The following RASGRF2 variants were observed in gnomAD, a reference collection of about 807,000 sequenced individuals.
RASGRF2 encodes Ras protein specific guanine nucleotide releasing factor 2, also known as ras-specific guanine nucleotide-releasing factor 2.
RASGRF2 carries 76 observed loss-of-function variants against 151.0 expected under a neutral mutation model. The ratio of observed to expected loss-of-function variants is 0.50; its 90% CI spans 0.42 to 0.61. The LOEUF (loss-of-function observed/expected upper bound fraction) is 0.61. Ranked by LOEUF, RASGRF2 falls within the 20% of genes least tolerant of loss-of-function variation. The pLI, the probability that RASGRF2 is intolerant of heterozygous loss-of-function variation, is 0.00. For synonymous variants in RASGRF2, 504 were observed against 566.5 expected (o/e 0.89, Z 1.57); for missense variants, 1,148 against 1,564.6 (o/e 0.73, Z 4.49).
intron 1 of RASGRF2, among the ~76,000 whole-genome samples, chr5:81,026,231 A>G (rs1167410181): frequency 6.8e-5 from 8 of 117,072 alleles, no homozygotes; most frequent in African/African-American, 2.6e-4. Context: ...CTTTTTTTCT[A>G]TTCTTCCTTT....
chr5:81,084,376 AG>A (rs1752168832), intron 7 of RASGRF2, among the ~76,000 whole-genome samples: 1 of 152,248 alleles, frequency 6.6e-6, no homozygotes, highest in Non-Finnish European at 1.5e-5. Context: ...CACTTATCCC[AG>A]GAGACTTCAT....
In RASGRF2 at chr5:80,996,505, C is replaced by CTTCTTCTTCTTCTTCT. The variant is rs56082157; in HGVS notation, c.288+35480_288+35481insTCTTCTTCTTCTTCTT. Among the ~76,000 whole-genome samples the CTTCTTCTTCTTCTTCT allele has an allele frequency of 9.9e-3, 474 of 47,766 alleles. 103 individuals carry two copies. The highest frequency in any genetic ancestry group is 0.01 in the Non-Finnish European group (273 of 26,634). 31.3% of individuals were successfully genotyped at this position (47,766 alleles called of 152,430 possible). A position where few individuals can be genotyped will look rare whatever the true frequency, so the allele number is the denominator to read the frequency against. ...CTTCTTCTTCTTCTTCTTCTTCTTCCTCCTCCTCCTCCTCCCCCTCCTCCT... is the reference window on the plus strand; with the variant it reads ...CTTCTTCTTCTTCTTCTTCTTCTTCCTTCTTCTTCTTCTTCTTCCTCCTCCTCCTCCCCCTCCTCCT... On this transcript the variant is annotated intron_variant, in intron 1 of 26. Transcript: ENST00000265080.
chr5:81,030,423 G>A (rs1750199650), intron 1 of RASGRF2, among the ~76,000 whole-genome samples: 1 of 152,162 alleles, frequency 6.6e-6, no homozygotes, highest in South Asian at 2.1e-4. Context: ...ACCCACAAAG[G>A]GAAGCCCATC....
chr5:81,056,668 A>G (rs541530858), intron 2 of RASGRF2, among the ~76,000 whole-genome samples: 1 of 152,204 alleles, frequency 6.6e-6, no homozygotes, highest in East Asian at 1.9e-4. Flanking sequence ...GCTGAGTTCA[A>G]TTCCTGGATA....
intron 1 of RASGRF2, among the ~76,000 whole-genome samples, chr5:80,981,515 G>A (rs1003910545): frequency 6.6e-6 from 1 of 151,348 alleles, no homozygotes; most frequent in South Asian, 2.1e-4. Flanking sequence ...GTGTGAGTAC[G>A]TGTGTGTGTG....
intron 1 of RASGRF2, among the ~76,000 whole-genome samples, chr5:80,999,891 A>G (rs1484571156): frequency 2.0e-5 from 3 of 152,140 alleles, no homozygotes; most frequent in Non-Finnish European, 4.4e-5. Flanking sequence ...CACCTCCCCC[A>G]CGGCATTTTA....
In RASGRF2 at chr5:81,229,560, A is replaced by G. The variant is rs983631908; in HGVS notation, c.*3790A>G. On this transcript the variant is annotated 3_prime_UTR_variant, in exon 27 of 27. Transcript: ENST00000265080. ...ACATGAACGATTCAGAAAATTATTC[A>G]TCTCAGCTGCCATGCAGCATGACAT... 5.3e-5 allele frequency: 8 copies of G among 152,254 alleles called. No individual in the cohort carries two copies. Among genetic ancestry groups the G allele is most frequent in the African/African-American group, 1.7e-4 (7 of 41,474 alleles). 9.4% of individuals were successfully genotyped at this position (152,254 alleles called of 1,614,324 possible).
intron 1 of RASGRF2, among the ~76,000 whole-genome samples, chr5:80,969,613 T>A (rs1236355806): frequency 6.8e-6 from 1 of 147,958 alleles, no homozygotes; most frequent in Non-Finnish European, 1.5e-5. Flanking sequence ...CACGCCCGGC[T>A]AATTTTTTTT....
intron 1 of RASGRF2, among the ~76,000 whole-genome samples, chr5:81,020,873 A>G (rs935989014): frequency 1.3e-5 from 2 of 152,226 alleles, no homozygotes; most frequent in Non-Finnish European, 2.9e-5. Flanking sequence ...ACTCAGTCCT[A>G]CGAGGTACTT....
chr5:81,001,160 C>T (rs942650414), intron 1 of RASGRF2, among the ~76,000 whole-genome samples: 4 of 152,178 alleles, frequency 2.6e-5, no homozygotes, highest in Non-Finnish European at 1.5e-5. Flanking sequence ...TGTGTCTTCA[C>T]TCCTGGGAAA....
At chr5:81,128,981 A>G (rs967543691) in intron 17 of RASGRF2, among the ~76,000 whole-genome samples, 10 of 152,054 alleles carry the variant, frequency 6.6e-5, no homozygotes, top group Non-Finnish European at 1.0e-4. Flanking sequence ...TCTACTAAAA[A>G]TACAAAAATC....
chr5:81,024,994 C>G lies in RASGRF2; in HGVS notation c.289-17883C>G, dbSNP rs559938367. ...CTTCTCCAAGTTGGGACCCATCCAG[C>G]AGGGGTTTCCTCTGTGTGTGGTCTG... On this transcript the variant is annotated intron_variant, in intron 1 of 26. Transcript: ENST00000265080. Among the ~76,000 whole-genome samples the G allele has an allele frequency of 1.1e-3, 175 of 152,324 alleles. 1 individual carries two copies. The highest frequency in any genetic ancestry group is 4.2e-3 in the African/African-American group (173 of 41,576).
In RASGRF2 at chr5:81,207,371, A is replaced by T. The variant is rs191832914; in HGVS notation, c.3071+22A>T. 5,515 of 1,596,716 alleles carry T rather than the reference A, an allele frequency of 3.5e-3. 69 individuals carry two copies. The highest frequency in any genetic ancestry group is 2.2e-3 in the Non-Finnish European group (2,540 of 1,164,512). ...ACGAGTGAGTGCCACCCCCCACAGC[A>T]GCAGGGCTCGGCTGCTCTAGCTGTC... On this transcript the variant is annotated intron_variant, in intron 21 of 26. Coordinates refer to ENST00000265080, the MANE Select transcript of RASGRF2 (RefSeq NM_006909.3).
chr5:81,043,576 A>C (rs1372486263), intron 2 of RASGRF2, among the ~76,000 whole-genome samples: 1 of 152,200 alleles, frequency 6.6e-6, no homozygotes, highest in Non-Finnish European at 1.5e-5. Flanking sequence ...CTTAAACGGG[A>C]ACTAGAAATC....
Position 81,215,962 on chromosome 5 carries a change from C to A in RASGRF2, c.3434+7C>A. ...TTAGAGAAACCCTTAAAAAGTATGT[C>A]TATCTTAATTATTAAATTATTCATA... On this transcript the variant is annotated splice_region_variant and intron_variant, in intron 24 of 26. Transcript: ENST00000265080. The A allele has an allele frequency of 2.0e-6, 3 of 1,513,324 alleles. No homozygotes were observed. Among genetic ancestry groups the A allele is most frequent in the South Asian group, 2.8e-5 (2 of 72,296 alleles). 93.7% of individuals were successfully genotyped at this position (1,513,324 alleles called of 1,614,324 possible).
intron 10 of RASGRF2, among the ~76,000 whole-genome samples, chr5:81,093,438 A>T (rs34239499): frequency 0.41 from 61,549 of 151,836 alleles, 12,956 homozygotes; most frequent in Middle Eastern, 0.66. Context: ...TTGAGATAGG[A>T]TCTCACTCTG....
chr5:81,107,183 G>A (rs1188258450), intron 12 of RASGRF2, among the ~76,000 whole-genome samples: 1 of 125,972 alleles, frequency 7.9e-6, no homozygotes, highest in Non-Finnish European at 1.6e-5. Context: ...AACATAGCAC[G>A]AACCTGTCTC....
chr5:81,174,261 T>A (rs1435333800), intron 17 of RASGRF2, among the ~76,000 whole-genome samples: 1 of 152,182 alleles, frequency 6.6e-6, no homozygotes, highest in East Asian at 1.9e-4. Flanking sequence ...TACACTTGGT[T>A]TTTAGATATG....
chr5:81,167,589 C>T (rs1486090688), intron 17 of RASGRF2, among the ~76,000 whole-genome samples: 2 of 152,226 alleles, frequency 1.3e-5, no homozygotes, highest in African/African-American at 2.4e-5. Context: ...GCTGGGCTTT[C>T]TGTAAGTTCC....
Sources: gnomAD v4.1 joint callset for allele counts (sites outside exome capture counted in the v4.1 genomes callset) on GRCh38, gnomAD v4.1.1 for gene constraint, MANE v1.5 for transcripts, NCBI Gene and HGNC (gene_info 2026-07-23, HGNC 2026-07-21) for gene names.